Variants in GALNT17 observed in about 807,000 individuals in gnomAD.
The protein encoded by GALNT17 is UDP-GalNAc:polypeptide N-acetylgalactosaminyltransferase-like 3.
GALNT17 carries 29 observed loss-of-function variants against 63.7 expected under a neutral mutation model. The observed-to-expected ratio is 0.46, with a 90% confidence interval of 0.34 to 0.62. The LOEUF is 0.62. GALNT17 is among the 20% of genes least tolerant of loss of function. The pLI is 0.01. For synonymous variants in GALNT17, 305 were observed against 318.3 expected (o/e 0.96, Z 0.45); for missense variants, 603 against 799.6 (o/e 0.75, Z 2.97).
chr7:71,576,565 G>GTGT (rs753073050), intron 6 of GALNT17, among the ~76,000 whole-genome samples: 1 of 150,052 alleles, frequency 6.7e-6, no homozygotes, highest in Admixed American at 6.7e-5. Context: ...GTGTGTGTGT[G>GTGT]TTTTGTTTGT....
chr7:71,461,444 A>G (rs2116580971), intron 5 of GALNT17, among the ~76,000 whole-genome samples: 1 of 152,286 alleles, frequency 6.6e-6, no homozygotes, highest in Non-Finnish European at 1.5e-5. Flanking sequence ...AATGACTTCT[A>G]TGGGAAGTAT....
At chr7:71,423,366 T>C (rs1042240572) in intron 5 of GALNT17, among the ~76,000 whole-genome samples, 4 of 152,132 alleles carry the variant, frequency 2.6e-5, no homozygotes, top group African/African-American at 9.7e-5. Flanking sequence ...AAGGGCTTGG[T>C]TGAAAACCCT....
chr7:71,305,538 T>C (rs569575828), intron 1 of GALNT17, among the ~76,000 whole-genome samples: 29 of 152,188 alleles, frequency 1.9e-4, no homozygotes, highest in Non-Finnish European at 3.2e-4. Context: ...TTCATGGCGA[T>C]GTCTTTGGTC....
intron 1 of GALNT17, among the ~76,000 whole-genome samples, chr7:71,146,544 G>A (rs927593055): frequency 6.6e-6 from 1 of 152,140 alleles, no homozygotes; most frequent in Non-Finnish European, 1.5e-5. Flanking sequence ...GTGCCCATGT[G>A]GCCCCTGGGA....
At chr7:71,271,594 C>T (rs1008113023) in intron 1 of GALNT17, among the ~76,000 whole-genome samples, 2 of 152,208 alleles carry the variant, frequency 1.3e-5, no homozygotes, top group African/African-American at 4.8e-5. Flanking sequence ...GGATAATTTA[C>T]AGGCGATAAC....
chr7:71,235,338 A>G (rs1369751220), intron 1 of GALNT17, among the ~76,000 whole-genome samples: 1 of 151,868 alleles, frequency 6.6e-6, no homozygotes, highest in Non-Finnish European at 1.5e-5. Context: ...TTGTGACTTT[A>G]TTGCACAGAA....
rs116346511 is a variant in GALNT17 at position 71,669,080 on chromosome 7, C to T, written c.1267-892C>T. Among the ~76,000 whole-genome samples the T allele has an allele frequency of 4.6e-3, 706 of 152,314 alleles. 5 individuals are homozygous for T. Among genetic ancestry groups the T allele is most frequent in the African/African-American group, 0.016 (681 of 41,562 alleles). On this transcript the variant is annotated intron_variant, in intron 7 of 10. Coordinates refer to ENST00000333538, the MANE Select transcript of GALNT17 (RefSeq NM_022479.3). Reference sequence around the variant, plus strand: ...AACTGAGAATGTAGGTCGTCAACATCAGCGTGTCCCAGAAATCCATTTGCA... The same window carrying T: ...AACTGAGAATGTAGGTCGTCAACATTAGCGTGTCCCAGAAATCCATTTGCA...
intron 2 of GALNT17, among the ~76,000 whole-genome samples, chr7:71,384,196 T>A (rs1042319764): frequency 1.3e-5 from 2 of 152,102 alleles, no homozygotes; most frequent in African/African-American, 2.4e-5. Flanking sequence ...CTCAGTGTAG[T>A]GTTGATTTGC....
intron 1 of GALNT17, among the ~76,000 whole-genome samples, chr7:71,196,119 T>G (rs1789044023): frequency 6.6e-6 from 1 of 151,934 alleles, no homozygotes; most frequent in African/African-American, 2.4e-5. Context: ...TTGCTGCTTT[T>G]TATTTTTATT....
Position 71,591,819 on chromosome 7 carries a change from C to T in GALNT17, c.1080+20417C>T, listed in dbSNP as rs1043566131. Among the ~76,000 whole-genome samples, 7 of 151,978 alleles carry T rather than the reference C, an allele frequency of 4.6e-5. No homozygotes were observed. The South Asian group carries it at 8.3e-4, about 18-fold the overall frequency. ...CTGGGATTACAGGCGCATGCCACCACGCCCAGCTAATTTTTGTATTTTTAG... is the reference window on the plus strand; with the variant it reads ...CTGGGATTACAGGCGCATGCCACCATGCCCAGCTAATTTTTGTATTTTTAG... On this transcript the variant is annotated intron_variant, in intron 6 of 10. Transcript: ENST00000333538.
chr7:71,394,901 A>G (rs1793110436), intron 3 of GALNT17, among the ~76,000 whole-genome samples: 1 of 152,152 alleles, frequency 6.6e-6, no homozygotes, highest in Non-Finnish European at 1.5e-5. Context: ...CAGGAGTTCG[A>G]GACCAGCCTG....
At chr7:71,571,766 C>T (rs1292087550) in intron 6 of GALNT17, among the ~76,000 whole-genome samples, 1 of 152,182 alleles carries the variant, frequency 6.6e-6, no homozygotes, top group African/African-American at 2.4e-5. Flanking sequence ...GTAATCCCAA[C>T]ACTTTGGGAG....
intron 2 of GALNT17, among the ~76,000 whole-genome samples, chr7:71,380,334 ATATTAT>A (rs936337046): frequency 6.6e-6 from 1 of 151,890 alleles, no homozygotes; most frequent in Non-Finnish European, 1.5e-5. Context: ...ATTAGTATTA[ATATTAT>A]TATTATTATT....
intron 5 of GALNT17, among the ~76,000 whole-genome samples, chr7:71,486,673 T>C (rs910828896): frequency 6.6e-5 from 10 of 150,560 alleles, no homozygotes; most frequent in Non-Finnish European, 1.2e-4. Context: ...CTGGGCAACA[T>C]AGTGAGATCC....
chr7:71,366,442 A>G (rs955845485), intron 2 of GALNT17, among the ~76,000 whole-genome samples: 4 of 152,124 alleles, frequency 2.6e-5, no homozygotes, highest in South Asian at 4.1e-4. Flanking sequence ...TTAGCTAGGC[A>G]TGGTGGCGGG....
chr7:71,345,448 G>C (rs1294930371), intron 2 of GALNT17, among the ~76,000 whole-genome samples: 1 of 152,170 alleles, frequency 6.6e-6, no homozygotes, highest in African/African-American at 2.4e-5. Context: ...CACTCAGAAA[G>C]TCTCCTCTTT....
intron 5 of GALNT17, among the ~76,000 whole-genome samples, chr7:71,450,262 A>C (rs1158443509): frequency 6.6e-6 from 1 of 151,720 alleles, no homozygotes; most frequent in Non-Finnish European, 1.5e-5. Flanking sequence ...CAGCCTCGCG[A>C]GTAGTGGCAT....
rs1177478299 is a variant in GALNT17, at chr7:71,525,683, CT to C, written c.963-45590del. ...GTGGAACTGTGAGTCCATTAAATGCCTTTTTTTTTTTTAATAAATTACTGAA... is the reference window on the plus strand; with the variant it reads ...GTGGAACTGTGAGTCCATTAAATGCCTTTTTTTTTTTAATAAATTACTGAA... On this transcript the variant is annotated intron_variant, in intron 5 of 10. Coordinates refer to ENST00000333538, the MANE Select transcript of GALNT17 (RefSeq NM_022479.3). Among the ~76,000 whole-genome samples the C allele has an allele frequency of 6.9e-3, 900 of 129,738 alleles. 8 individuals carry two copies. The highest frequency in any genetic ancestry group is 0.018 in the African/African-American group (643 of 35,124). 85.1% of individuals were successfully genotyped at this position (129,738 alleles called of 152,430 possible). A position where few individuals can be genotyped will look rare whatever the true frequency, so the allele number is the denominator to read the frequency against.
At chr7:71,696,909 A>G (rs1791554153) in intron 9 of GALNT17, among the ~76,000 whole-genome samples, 1 of 152,210 alleles carries the variant, frequency 6.6e-6, no homozygotes, top group South Asian at 2.1e-4. Flanking sequence ...AATAACACTA[A>G]GAAAAACCTA....
Sources: allele counts gnomAD v4.1 joint callset (sites outside exome capture counted in the v4.1 genomes callset), GRCh38; gene constraint gnomAD v4.1.1; transcripts MANE v1.5; gene names NCBI Gene and HGNC (gene_info 2026-07-23, HGNC 2026-07-21).